Variants in BCL11B observed in about 807,000 individuals in gnomAD.
BCL11B encodes the protein B-cell lymphoma/leukemia 11B.
BCL11B carries 8 observed loss-of-function variants against 49.9 expected under a neutral mutation model. That is an observed-to-expected ratio of 0.16 (90% CI 0.09 to 0.29). The LOEUF (loss-of-function observed/expected upper bound fraction) is 0.29, where lower values mean the gene tolerates loss of function less well. BCL11B is among the 10% of genes least tolerant of loss of function. The probability of loss-of-function intolerance (pLI) is 1.00; values close to 1 mark genes in which losing one functional copy is unlikely to be tolerated. For missense variants in BCL11B, 1,006 were observed against 1,351.0 expected, an observed-to-expected ratio of 0.74 and a Z score of 4.00; for synonymous variants, 739 against 637.4, an observed-to-expected ratio of 1.16 and a Z score of -2.40.
At chr14:99,218,044 CATA>C (rs1458359973) in intron 3 of BCL11B, among the ~76,000 whole-genome samples, 1 of 148,708 alleles carries the variant, frequency 6.7e-6, no homozygotes, top group African/African-American at 2.5e-5. Context: ...TGTTAATTCT[CATA>C]ATAATCATTG....
At position 99,194,577 on chromosome 14, in the gene BCL11B, G is replaced by A. The variant is rs1365335202; in HGVS notation, c.641-18382C>T. Among the ~76,000 whole-genome samples the A allele has an allele frequency of 6.6e-6, 1 of 152,344 alleles. No homozygotes were observed. Among genetic ancestry groups the A allele is most frequent in the African/African-American group, 2.4e-5 (1 of 41,582 alleles). On this transcript the variant is annotated intron_variant, in intron 3 of 3. Coordinates refer to ENST00000357195, the MANE Select transcript of BCL11B (RefSeq NM_138576.4). This position sits in a 1 kb window ranked among gnomAD's most constrained non-coding sequence, Gnocchi z 4.6. ...TATTAGCTGGGCAACCCTGGGGAAG[G>A]TGCTTAACTTCTCTGAATCTGTCCT... is the stretch of plus-strand genomic sequence containing the variant.
In BCL11B at chr14:99,213,321, C is replaced by T. The variant is rs1260692602; in HGVS notation, c.640+18024G>A. ...CTCTCAAGTGCAGCAGACACAGCCC[C>T]GACTAATCAGACAGCAGAGGCTGCC... On this transcript the variant is annotated intron_variant, in intron 3 of 3. Coordinates refer to ENST00000357195, the MANE Select transcript of BCL11B (RefSeq NM_138576.4). The surrounding 1 kb of genome is among the most constrained non-coding windows in gnomAD (Gnocchi z 5.1). Among the ~76,000 whole-genome samples, 4 of 152,162 alleles carry T rather than the reference C, an allele frequency of 2.6e-5. No individual in the cohort carries two copies. The highest frequency in any genetic ancestry group is 7.2e-5 in the African/African-American group (3 of 41,442).
chr14:99,172,178 GTTT>G lies in BCL11B; in HGVS notation c.*1970_*1972del, dbSNP rs1306884766. 3.1e-5 allele frequency: 7 copies of G among 222,512 alleles called. No homozygotes were observed. Among genetic ancestry groups the G allele is most frequent in the Non-Finnish European group, 6.3e-5 (7 of 111,174 alleles). 13.8% of individuals were successfully genotyped at this position (222,512 alleles called of 1,614,324 possible). ...AAAAATTAGCCGTTGTTCCTGAATT[GTTT>G]TTGTTTTGCTTTTCATTCAACGATA... On this transcript the variant is annotated 3_prime_UTR_variant, in exon 4 of 4. Coordinates refer to ENST00000357195, the MANE Select transcript of BCL11B (RefSeq NM_138576.4).
intron 1 of BCL11B, among the ~76,000 whole-genome samples, chr14:99,265,661 G>A (rs990749076): frequency 6.6e-6 from 1 of 152,174 alleles, no homozygotes; most frequent in East Asian, 1.9e-4. Flanking sequence ...TCTCTGAGTG[G>A]TCCAGTGAGC....
chr14:99,178,430 G>C (rs1428005393), intron 3 of BCL11B, among the ~76,000 whole-genome samples: 1 of 152,146 alleles, frequency 6.6e-6, no homozygotes, highest in Non-Finnish European at 1.5e-5. Context: ...CCTAAGATAG[G>C]GCAGGGACGC....
intron 3 of BCL11B, among the ~76,000 whole-genome samples, chr14:99,177,991 TC>T (rs935789030): frequency 3.7e-4 from 57 of 152,276 alleles, no homozygotes; most frequent in African/African-American, 1.3e-3. Context: ...GGCCTGTGCC[TC>T]TGCCTGAAAC....
intron 2 of BCL11B, among the ~76,000 whole-genome samples, chr14:99,252,671 G>A (rs1362138794): frequency 6.6e-6 from 1 of 152,222 alleles, no homozygotes; most frequent in African/African-American, 2.4e-5. Flanking sequence ...AAGCCCAGAG[G>A]GATCTGCCAC....
intron 2 of BCL11B, among the ~76,000 whole-genome samples, chr14:99,237,966 G>C (rs1232926276): frequency 6.6e-6 from 1 of 152,044 alleles, no homozygotes; most frequent in Non-Finnish European, 1.5e-5. Context: ...GGGGCCTCCA[G>C]GAACATGGGC....
At position 99,171,451 on chromosome 14, in the gene BCL11B, C is replaced by A; in HGVS notation, c.*2700G>T. 4.8e-6 allele frequency: 1 copy of A among 206,458 alleles called. No homozygotes were observed. The highest frequency in any genetic ancestry group is 9.8e-6 in the Non-Finnish European group (1 of 101,784). The allele number at this position is 206,458 out of a possible 1,614,324, so 12.8% of individuals were successfully genotyped here. On this transcript the variant is annotated 3_prime_UTR_variant, in exon 4 of 4. Coordinates refer to ENST00000357195, the MANE Select transcript of BCL11B (RefSeq NM_138576.4). ...TTCTTTTTATTTCCAAATTCACTAA[C>A]AAAAAGGTACATTAAATCCCTTTAA...
chr14:99,244,080 T>G (rs1314111389), intron 2 of BCL11B, among the ~76,000 whole-genome samples: 2 of 152,192 alleles, frequency 1.3e-5, no homozygotes, highest in East Asian at 3.9e-4. Flanking sequence ...GGCTACCAGT[T>G]CTCCTCGAGG....
intron 3 of BCL11B, among the ~76,000 whole-genome samples, chr14:99,207,019 C>G (rs1260350377): frequency 7.9e-5 from 12 of 152,218 alleles, no homozygotes; most frequent in African/African-American, 2.4e-4. Context: ...ATCCAAAACT[C>G]TCTATGCTGA....
intron 3 of BCL11B, among the ~76,000 whole-genome samples, chr14:99,180,017 A>C (rs982713891): frequency 6.6e-6 from 1 of 152,312 alleles, no homozygotes; most frequent in African/African-American, 2.4e-5. Context: ...TAAGTGCAGC[A>C]AAAGACCCCT....
chr14:99,211,761 G>A (rs1470514723), intron 3 of BCL11B, among the ~76,000 whole-genome samples: 2 of 151,920 alleles, frequency 1.3e-5, no homozygotes, highest in East Asian at 1.9e-4. Context: ...ACCAAACTCC[G>A]CCCTGCCCTC....
chr14:99,199,683 T>TGTGTGCGCGCGCGCGC (rs759599743), intron 3 of BCL11B, among the ~76,000 whole-genome samples: 12 of 73,642 alleles, frequency 1.6e-4, no homozygotes, highest in African/African-American at 2.4e-4. Flanking sequence ...TGTGTGTGTG[T>TGTGTGCGCGCGCGCGC]GCGCGCGCGC....
At chr14:99,200,671 G>A (rs1359568905) in intron 3 of BCL11B, among the ~76,000 whole-genome samples, 1 of 152,234 alleles carries the variant, frequency 6.6e-6, no homozygotes, top group African/African-American at 2.4e-5. Context: ...TCCAGGGCTG[G>A]GTCACAGACC....
chr14:99,246,145 C>G lies in BCL11B; in HGVS notation c.427+11326G>C, dbSNP rs964336529. Among the ~76,000 whole-genome samples, 19 of 152,286 alleles carry G rather than the reference C, an allele frequency of 1.2e-4. No homozygotes were observed. The East Asian group carries it at 3.5e-3, about 28-fold the overall frequency. On this transcript the variant is annotated intron_variant, in intron 2 of 3. Transcript: ENST00000357195. Reference sequence around the variant, plus strand: ...GCTAGCCCTTCGACTCGCCCACCCCCCGCCTTCCTCGGACCCAGGCCGAGT... The same window carrying G: ...GCTAGCCCTTCGACTCGCCCACCCCGCGCCTTCCTCGGACCCAGGCCGAGT...
rs1886491120 is a variant in BCL11B at position 99,175,682 on chromosome 14, C to T, written c.1154G>A (p.Gly385Asp). 1 of 1,535,052 alleles carries T rather than the reference C, an allele frequency of 6.5e-7. No homozygotes were observed. The highest frequency in any genetic ancestry group is 8.7e-7 in the Non-Finnish European group (1 of 1,154,308). The change falls in exon 4 of 4, where the codon GGC (glycine) becomes GAC (aspartate). Residue 385 changes from glycine to aspartate, a missense_variant. Around this residue, in one of 6 missense-constraint regions of BCL11B, gnomAD observed 97 missense variants for 81.5 expected, o/e 1.19. Coordinates refer to ENST00000357195, the MANE Select transcript of BCL11B (RefSeq NM_138576.4). ...GTTCAGGAGCCGGTGCATAGGGTTGCCGCGGCCCGGGGACACGGGCGGCGG... is the reference window on the plus strand; with the variant it reads ...GTTCAGGAGCCGGTGCATAGGGTTGTCGCGGCCCGGGGACACGGGCGGCGG... ...STPPPVSPGR[G>D]NPMHRLLNPF...
intron 3 of BCL11B, among the ~76,000 whole-genome samples, chr14:99,177,725 C>T (rs1886581112): frequency 6.6e-6 from 1 of 151,646 alleles, no homozygotes. Context: ...AATGAATGAC[C>T]CTTCCCAATA....
Position 99,174,972 on chromosome 14 carries a change from C to G in BCL11B, c.1864G>C (p.Ala622Pro). 1 of 1,558,190 alleles carries G rather than the reference C, an allele frequency of 6.4e-7. No individual in the cohort carries two copies. Among genetic ancestry groups the G allele is most frequent in the Admixed American group, 1.7e-5 (1 of 57,376 alleles). ...ELLADKQKRG[A>P]FLKRAAGGGD... ...CCGCCCGCCGCACGCTTCAGGAAGGCGCCGCGCTTCTGCTTGTCGGCCAGG... is the reference window on the plus strand; with the variant it reads ...CCGCCCGCCGCACGCTTCAGGAAGGGGCCGCGCTTCTGCTTGTCGGCCAGG... The change falls in exon 4 of 4, where the codon GCC (alanine) becomes CCC (proline). Residue 622 changes from alanine to proline, a missense_variant. Around this residue, in one of 6 missense-constraint regions of BCL11B, gnomAD observed 443 missense variants for 499.7 expected, o/e 0.89. Transcript: ENST00000357195.
Sources: allele counts gnomAD v4.1 joint callset (sites outside exome capture counted in the v4.1 genomes callset), GRCh38; gene constraint gnomAD v4.1.1; regional missense constraint gnomAD v4.1.1; non-coding constraint Gnocchi (gnomAD v3.1); transcripts MANE v1.5; gene names NCBI Gene and HGNC (gene_info 2026-07-23, HGNC 2026-07-21).